ATG5: variants seen among roughly 807,000 people sequenced by gnomAD.
The protein encoded by ATG5 is autophagy related 5.
In ATG5, 14 loss-of-function variants were observed where a neutral mutation model predicts 36.5. The observed-to-expected ratio is 0.38, with a 90% CI of 0.25 to 0.60. The LOEUF is 0.60. Among genes scored for constraint, ATG5 ranks in the 20% least tolerant of loss-of-function variants. The pLI is 0.60. For synonymous variants in ATG5, 95 were observed against 101.5 expected (o/e 0.94, Z 0.38); for missense variants, 195 against 326.7 (o/e 0.60, Z 3.11).
intron 5 of ATG5, among the ~76,000 whole-genome samples, chr6:106,265,415 C>A (rs1345194692): frequency 2.6e-5 from 4 of 152,072 alleles, no homozygotes; most frequent in Non-Finnish European, 4.4e-5. Flanking sequence ...GGGATTTTAA[C>A]CCCCCACTGT....
At chr6:106,248,450 T>C (rs1472742876) in intron 5 of ATG5, among the ~76,000 whole-genome samples, 2 of 152,202 alleles carry the variant, frequency 1.3e-5, no homozygotes, top group Non-Finnish European at 2.9e-5. Context: ...ATCCTCTCCC[T>C]AGATATTCGC....
At chr6:106,293,986 A>C (rs1260074948) in intron 3 of ATG5, among the ~76,000 whole-genome samples, 1 of 151,506 alleles carries the variant, frequency 6.6e-6, no homozygotes, top group Non-Finnish European at 1.5e-5. Flanking sequence ...TTTTCTTCAA[A>C]TTTTGGAATA....
intron 5 of ATG5, among the ~76,000 whole-genome samples, chr6:106,264,240 T>C (rs1211982099): frequency 6.6e-6 from 1 of 152,000 alleles, no homozygotes; most frequent in Non-Finnish European, 1.5e-5. Context: ...GAAGAAAGGA[T>C]ATCAGAGATT....
At chr6:106,202,693 G>A (rs781002469) in intron 6 of ATG5, among the ~76,000 whole-genome samples, 2 of 152,038 alleles carry the variant, frequency 1.3e-5, no homozygotes, top group Admixed American at 6.6e-5. Context: ...ACAGAGTCTC[G>A]CTCTGCCACC....
intron 4 of ATG5, among the ~76,000 whole-genome samples, chr6:106,292,201 A>G (rs1312436452): frequency 6.6e-6 from 1 of 152,220 alleles, no homozygotes; most frequent in African/African-American, 2.4e-5. Context: ...TTGAGAATGA[A>G]TCACTGTTCG....
chr6:106,256,883 T>C (rs781484324), intron 5 of ATG5, among the ~76,000 whole-genome samples: 31 of 152,186 alleles, frequency 2.0e-4, no homozygotes, highest in Non-Finnish European at 3.4e-4. Context: ...ATTGAATTTA[T>C]TTAAAAATTA....
intron 5 of ATG5, among the ~76,000 whole-genome samples, chr6:106,272,272 C>G (rs2114582906): frequency 6.6e-6 from 1 of 152,336 alleles, no homozygotes; most frequent in Middle Eastern, 3.4e-3. Context: ...AAAGGGAAAT[C>G]TGATTCTGTT....
At chr6:106,261,798 G>C (rs9386519) in intron 5 of ATG5, among the ~76,000 whole-genome samples, 3 of 152,188 alleles carry the variant, frequency 2.0e-5, no homozygotes, top group African/African-American at 7.2e-5. Flanking sequence ...GCTGGATGTA[G>C]AAGTTGGGTT....
chr6:106,309,534 A>C (rs1485048916), intron 2 of ATG5, among the ~76,000 whole-genome samples: 1 of 152,146 alleles, frequency 6.6e-6, no homozygotes, highest in Non-Finnish European at 1.5e-5. Flanking sequence ...AACAGAATAT[A>C]AGTTATTCTT....
chr6:106,263,698 T>C (rs1381165494), intron 5 of ATG5, among the ~76,000 whole-genome samples: 2 of 152,076 alleles, frequency 1.3e-5, no homozygotes, highest in Admixed American at 6.6e-5. Flanking sequence ...CCTCCACTGG[T>C]GATACCCAGG....
At chr6:106,250,445 T>C (rs1359839313) in intron 5 of ATG5, among the ~76,000 whole-genome samples, 2 of 152,214 alleles carry the variant, frequency 1.3e-5, no homozygotes, top group African/African-American at 2.4e-5. Context: ...GATTATTATA[T>C]GTTTAATTAA....
chr6:106,236,515 A>G (rs1408888175), intron 6 of ATG5, among the ~76,000 whole-genome samples: 1 of 152,172 alleles, frequency 6.6e-6, no homozygotes, highest in East Asian at 1.9e-4. Flanking sequence ...TAGTACTGTC[A>G]ACCTTTTTAA....
At chr6:106,282,928 A>C (rs1467952077) in intron 4 of ATG5, among the ~76,000 whole-genome samples, 1 of 152,090 alleles carries the variant, frequency 6.6e-6, no homozygotes, top group Non-Finnish European at 1.5e-5. Flanking sequence ...CTGGAACCAC[A>C]GGTGTACACC....
chr6:106,186,508 G>A lies in ATG5; in HGVS notation c.*32C>T. ...ACATGCTCTGATAAATCCCATTTAA[G>A]GATGATTCTGTTCAGGCAAATAGTT... On this transcript the variant is annotated 3_prime_UTR_variant, in exon 8 of 8. Coordinates refer to ENST00000369076, the MANE Select transcript of ATG5 (RefSeq NM_004849.4). The A allele has an allele frequency of 6.2e-7, 1 of 1,609,524 alleles. No individual in the cohort carries two copies. Among genetic ancestry groups the A allele is most frequent in the Non-Finnish European group, 8.5e-7 (1 of 1,176,420 alleles).
chr6:106,290,468 A>C (rs1780261749), intron 4 of ATG5, among the ~76,000 whole-genome samples: 1 of 151,142 alleles, frequency 6.6e-6, no homozygotes, highest in South Asian at 2.1e-4. Context: ...CTACAGGTGC[A>C]CACCACTGCG....
chr6:106,230,900 CAA>C (rs1456227792), intron 6 of ATG5, among the ~76,000 whole-genome samples: 1 of 152,188 alleles, frequency 6.6e-6, no homozygotes, highest in African/African-American at 2.4e-5. Flanking sequence ...GTCATACGTA[CAA>C]ACTTTCTTTT....
intron 3 of ATG5, among the ~76,000 whole-genome samples, chr6:106,297,772 AT>A: frequency 6.7e-6 from 1 of 149,698 alleles, no homozygotes; most frequent in African/African-American, 2.5e-5. Flanking sequence ...ACACATATAT[AT>A]TTTAAAGTTC....
At chr6:106,260,045 G>A (rs1037552158) in intron 5 of ATG5, among the ~76,000 whole-genome samples, 4 of 152,106 alleles carry the variant, frequency 2.6e-5, no homozygotes, top group African/African-American at 9.7e-5. Context: ...ACTCATAGGG[G>A]GGAACTGAAA....
Position 106,248,258 on chromosome 6 carries a change from AATT to A in ATG5, c.479-17_479-15del, listed in dbSNP as rs1778427802. ...GGTCAAATCTGTCTGTAATGATATA[AATT>A]ATTTGTTATTAAAAATGAACAACAT... On this transcript the variant is annotated splice_polypyrimidine_tract_variant and intron_variant, in intron 5 of 7. Coordinates refer to ENST00000369076, the MANE Select transcript of ATG5 (RefSeq NM_004849.4). 6.4e-7 allele frequency: 1 copy of A among 1,559,258 alleles called. No individual in the cohort carries two copies. Among genetic ancestry groups the A allele is most frequent in the South Asian group, 1.1e-5 (1 of 89,338 alleles).
Sources: allele counts gnomAD v4.1 joint callset (sites outside exome capture counted in the v4.1 genomes callset), GRCh38; gene constraint gnomAD v4.1.1; transcripts MANE v1.5; gene names NCBI Gene and HGNC (gene_info 2026-07-23, HGNC 2026-07-21).